The following NRAP variants were observed in gnomAD, a reference collection of about 807,000 sequenced individuals.
The protein encoded by NRAP is nebulin related anchoring protein, also known as nebulin-related-anchoring protein.
Under a neutral mutation model 225.9 loss-of-function variants are expected in NRAP, and 189 were observed. That is an observed-to-expected ratio of 0.84 (90% CI 0.74 to 0.94). The LOEUF is 0.94. Ranked by LOEUF, NRAP falls within the 40% of genes least tolerant of loss-of-function variation. The probability of loss-of-function intolerance (pLI) is 0.00; values close to 1 mark genes in which losing one functional copy is unlikely to be tolerated. For synonymous variants in NRAP, 769 were observed against 790.7 expected (o/e 0.97, Z 0.46); for missense variants, 2,176 against 2,168.7 (o/e 1.00, Z -0.07).
intron 38 of NRAP, among the ~76,000 whole-genome samples, chr10:113,593,511 G>A (rs568704011): frequency 2.6e-5 from 4 of 152,284 alleles, no homozygotes; most frequent in Non-Finnish European, 4.4e-5. Context: ...TAAACCCTGA[G>A]CCAAACGTCT....
rs530605346 is a variant in NRAP, at chr10:113,617,048, T to C, written c.2973+407A>G. ...ATGTTCAAAGTCTCTGGGAAATTCATAGAGCAACAATTGCTGCCCTTGGGT... is the reference window on the plus strand; with the variant it reads ...ATGTTCAAAGTCTCTGGGAAATTCACAGAGCAACAATTGCTGCCCTTGGGT... On this transcript the variant is annotated intron_variant, in intron 26 of 41. Coordinates refer to ENST00000359988, the MANE Select transcript of NRAP (RefSeq NM_198060.4). Among the ~76,000 whole-genome samples, 8 of 152,328 alleles carry C rather than the reference T, an allele frequency of 5.3e-5. 1 individual carries two copies. Among genetic ancestry groups the C allele is most frequent in the African/African-American group, 1.9e-4 (8 of 41,576 alleles).
chr10:113,644,147 C>CAAAAAAAAAAAAAAA (rs60015356), intron 11 of NRAP, among the ~76,000 whole-genome samples: 1 of 47,984 alleles, frequency 2.1e-5, no homozygotes, highest in Non-Finnish European at 3.7e-5. Context: ...AACTCCCTCT[C>CAAAAAAAAAAAAAAA]AAAAAAAAAA....
chr10:113,589,426 G>A, intron 41 of NRAP: 1 of 592,594 alleles, frequency 1.7e-6, no homozygotes, highest in South Asian at 2.2e-5. Context: ...GCCCCGGTAG[G>A]TTTGCCTCTG....
intron 41 of NRAP, 44 bp from the exon 42 acceptor site, chr10:113,589,123 A>AC (rs756947328): frequency 1.2e-5 from 18 of 1,524,076 alleles, no homozygotes; most frequent in Admixed American, 3.4e-5. Flanking sequence ...AAGCTCCCCC[A>AC]CCCCCACTCC....
intron 25 of NRAP, among the ~76,000 whole-genome samples, chr10:113,618,546 T>C (rs916566204): frequency 6.6e-6 from 1 of 152,268 alleles, no homozygotes; most frequent in Non-Finnish European, 1.5e-5. Context: ...AACTATTTAC[T>C]ATCTGGTCCT....
intron 20 of NRAP, among the ~76,000 whole-genome samples, chr10:113,627,572 C>T (rs1191417724): frequency 6.6e-6 from 1 of 152,178 alleles, no homozygotes; most frequent in Non-Finnish European, 1.5e-5. Context: ...ATAATGAAAG[C>T]CCTAAAGGGT....
chr10:113,646,804 A>C, intron 10 of NRAP, 119 bp downstream of exon 10: 2 of 750,244 alleles, frequency 2.7e-6, no homozygotes, highest in Non-Finnish European at 4.7e-6. Flanking sequence ...GTTGAGGGCT[A>C]ACATTCTACT....
At chr10:113,645,650 C>G (rs112120077) in intron 11 of NRAP, among the ~76,000 whole-genome samples, 175 bp downstream of exon 11, 4,303 of 152,290 alleles carry the variant, frequency 0.028, 214 homozygotes, top group African/African-American at 0.098. Context: ...CTCCCAACCT[C>G]AGGTGATCTG....
At chr10:113,618,148 C>CA (rs372609403) in intron 25 of NRAP, among the ~76,000 whole-genome samples, 25,174 of 112,068 alleles carry the variant, frequency 0.22, 2,412 homozygotes, top group South Asian at 0.33. Flanking sequence ...GACACTGAAG[C>CA]AAAAAAAAAA....
chr10:113,662,556 G>A, intron 3 of NRAP, 123 bp downstream of exon 3: 1 of 674,114 alleles, frequency 1.5e-6, no homozygotes, highest in Admixed American at 2.5e-5. Context: ...CCAAAGTGTT[G>A]GAATTGTAGG....
At chr10:113,660,339 T>C (rs1197845254) in intron 3 of NRAP, among the ~76,000 whole-genome samples, 2 of 151,822 alleles carry the variant, frequency 1.3e-5, no homozygotes, top group Non-Finnish European at 2.9e-5. Context: ...CACACCTACA[T>C]ACACACATAT....
chr10:113,645,927 C>A lies in NRAP; in HGVS notation c.1008G>T (p.Gln336His). 6.4e-7 allele frequency: 1 copy of A among 1,559,956 alleles called. No homozygotes were observed. The change falls in exon 11 of 42, where the codon CAG (glutamine) becomes CAT (histidine). Residue 336 changes from glutamine to histidine, a missense_variant. By Grantham distance (24) the Gln-to-His change is conservative. Transcript: ENST00000359988. ...HELASDIKYR[Q>H]DFNKMKGAAH... ...CAGCGCCTTTCATCTTATTGAAGTC[C>A]TGCCTGTATTTTATCTGAAAAAAAA... is the stretch of plus-strand genomic sequence containing the variant.
rs12770981 is a variant in NRAP at position 113,663,335 on chromosome 10, G to C, written c.167+17C>G. The C allele has an allele frequency of 0.32, 453,811 of 1,436,604 alleles. 74,394 individuals carry two copies. The highest frequency in any genetic ancestry group is 0.44 in the East Asian group (19,460 of 44,006). 89.0% of individuals were successfully genotyped at this position (1,436,604 alleles called of 1,614,324 possible). A position where few individuals can be genotyped will look rare whatever the true frequency, so the allele number is the denominator to read the frequency against. On this transcript the variant is annotated intron_variant, in intron 2 of 41. Coordinates refer to ENST00000359988, the MANE Select transcript of NRAP (RefSeq NM_198060.4). ...AATAAAACTCAAGAGGTAGTGGTGG[G>C]GGCATCAAACACTTACGCGTGACAG...
In NRAP at chr10:113,653,976, A is replaced by G. The variant is rs751454053; in HGVS notation, c.465+45T>C. ...CAAGGAACAGTCAAACTAATTGCTA[A>G]GTAATTGCTAAACCAATTCCTAAAG... is the stretch of plus-strand genomic sequence containing the variant. On this transcript the variant is annotated intron_variant, in intron 5 of 41. Coordinates refer to ENST00000359988, the MANE Select transcript of NRAP (RefSeq NM_198060.4). 5 of 1,123,484 alleles carry G rather than the reference A, an allele frequency of 4.5e-6. No homozygotes were observed. In the South Asian group the frequency reaches 4.9e-5, roughly 11 times the overall value. 69.6% of individuals were successfully genotyped at this position (1,123,484 alleles called of 1,614,324 possible).
chr10:113,636,777 G>T (rs1848892777), intron 14 of NRAP, among the ~76,000 whole-genome samples: 1 of 152,124 alleles, frequency 6.6e-6, no homozygotes, highest in Non-Finnish European at 1.5e-5. Flanking sequence ...GGGAGGCCGA[G>T]GCAGGAGGAT....
At chr10:113,624,996 C>T in intron 21 of NRAP, 66 bp from the exon 22 acceptor site, 1 of 920,270 alleles carries the variant, frequency 1.1e-6, no homozygotes, top group Non-Finnish European at 1.8e-6. Context: ...TGGCATCCCT[C>T]ATGGTGTCTC....
At position 113,592,268 on chromosome 10, in the gene NRAP, C is replaced by T; in HGVS notation, c.4570G>A (p.Ala1524Thr). Residue 1524 changes from alanine to threonine, a missense_variant, in exon 39 of 42, where the codon GCT (alanine) becomes ACT (threonine). Around this residue, in one of 3 missense-constraint regions of NRAP, gnomAD observed 445 missense variants for 426.1 expected, o/e 1.04. Transcript: ENST00000359988. Reference sequence around the variant, plus strand: ...TCCAGCCTGAAGTCATAACTGCCAGCCCGGGTCTGCTCCCAGGAGTTTCTG... The same window carrying T: ...TCCAGCCTGAAGTCATAACTGCCAGTCCGGGTCTGCTCCCAGGAGTTTCTG... Reference protein sequence around the residue: ...VYRNSWEQTRAGSYDFRLDAI... With the variant: ...VYRNSWEQTRTGSYDFRLDAI... 6.2e-7 allele frequency: 1 copy of T among 1,612,674 alleles called. No individual in the cohort carries two copies.
At chr10:113,645,996 G>A in intron 10 of NRAP, 55 bp from the exon 11 acceptor site, 1 of 890,804 alleles carries the variant, frequency 1.1e-6, no homozygotes, top group Admixed American at 2.4e-5. Flanking sequence ...GCTCTGGGAG[G>A]GGAATTACTC....
chr10:113,607,936 T>C (rs566466829), intron 32 of NRAP, among the ~76,000 whole-genome samples: 23 of 152,242 alleles, frequency 1.5e-4, no homozygotes, highest in Non-Finnish European at 3.2e-4. Context: ...AGAAGGTAGA[T>C]AATTGAGAAG....
Sources: allele counts gnomAD v4.1 joint callset (sites outside exome capture counted in the v4.1 genomes callset), GRCh38; gene constraint gnomAD v4.1.1; regional missense constraint gnomAD v4.1.1; transcripts MANE v1.5; gene names NCBI Gene and HGNC (gene_info 2026-07-23, HGNC 2026-07-21).